Variants in CSMD3 observed in about 807,000 individuals in gnomAD.
The protein encoded by CSMD3 is CUB and Sushi multiple domains 3.
In CSMD3, 177 loss-of-function variants were observed where a neutral mutation model predicts 435.2. The observed-to-expected ratio is 0.41, with a 90% CI of 0.36 to 0.46. The LOEUF is 0.46. CSMD3 is among the 20% of genes least tolerant of loss of function. The pLI, the probability that CSMD3 is intolerant of heterozygous loss-of-function variation, is 0.34. For missense variants in CSMD3, 4,265 were observed against 4,504.6 expected, an observed-to-expected ratio of 0.95 and a Z score of 1.52; for synonymous variants, 1,656 against 1,520.5, an observed-to-expected ratio of 1.09 and a Z score of -2.07.
intron 59 of CSMD3, among the ~76,000 whole-genome samples, chr8:112,267,015 C>A (rs1460400032): frequency 6.6e-6 from 1 of 152,064 alleles, no homozygotes; most frequent in African/African-American, 2.4e-5. Context: ...CTCTCTCTCT[C>A]TGTCTACTCC....
chr8:113,190,211 A>G (rs1419007077), intron 3 of CSMD3, among the ~76,000 whole-genome samples: 2 of 151,850 alleles, frequency 1.3e-5, no homozygotes, highest in African/African-American at 4.8e-5. Flanking sequence ...AAGATACAAC[A>G]TTGAACAATA....
intron 1 of CSMD3, among the ~76,000 whole-genome samples, chr8:113,341,354 A>T (rs2094117598): frequency 6.6e-6 from 1 of 152,160 alleles, no homozygotes. Flanking sequence ...AAAGTTTTTA[A>T]TTCTGAAAAC....
Position 112,919,653 on chromosome 8 carries a change from C to A in CSMD3, c.1633+1974G>T, listed in dbSNP as rs188560659. On this transcript the variant is annotated intron_variant, in intron 10 of 70. Transcript: ENST00000297405. ...TTGAAGTAGGATATTTGAAACATATCATTTTGAAGCCATGATGTTCACTAT... is the reference window on the plus strand; with the variant it reads ...TTGAAGTAGGATATTTGAAACATATAATTTTGAAGCCATGATGTTCACTAT... Among the ~76,000 whole-genome samples, 68 of 151,774 alleles carry A rather than the reference C, an allele frequency of 4.5e-4. 1 individual carries two copies. The highest frequency in any genetic ancestry group is 1.6e-3 in the African/African-American group (65 of 41,474).
intron 53 of CSMD3, among the ~76,000 whole-genome samples, chr8:112,300,457 A>G (rs569684292): frequency 5.1e-4 from 77 of 152,076 alleles, no homozygotes; most frequent in African/African-American, 1.6e-3. Context: ...ATATTAATAC[A>G]TAATCATTTA....
At chr8:113,353,641 T>A (rs2132930187) in intron 1 of CSMD3, among the ~76,000 whole-genome samples, 1 of 152,254 alleles carries the variant, frequency 6.6e-6, no homozygotes, top group Middle Eastern at 3.4e-3. Context: ...TGGGAAATAT[T>A]TTTGCCTTTC....
chr8:112,287,406 T>TA (rs936965199), intron 57 of CSMD3, among the ~76,000 whole-genome samples, 160 bp from the exon 58 acceptor site: 9 of 151,800 alleles, frequency 5.9e-5, no homozygotes, highest in Non-Finnish European at 1.0e-4. Context: ...CTCCAGTCAT[T>TA]AAAAAAAAGT....
chr8:112,922,847 C>A (rs954901681), intron 9 of CSMD3, among the ~76,000 whole-genome samples: 2 of 152,090 alleles, frequency 1.3e-5, no homozygotes, highest in African/African-American at 4.8e-5. Flanking sequence ...TCTTCTTAGA[C>A]CTCGTCATGA....
intron 32 of CSMD3, among the ~76,000 whole-genome samples, chr8:112,419,387 T>C (rs1160762212): frequency 6.6e-6 from 1 of 152,210 alleles, no homozygotes; most frequent in African/African-American, 2.4e-5. Flanking sequence ...GTGAAAATCT[T>C]AATATGTATT....
At chr8:112,435,560 C>T (rs1329639576) in intron 32 of CSMD3, among the ~76,000 whole-genome samples, 4 of 151,962 alleles carry the variant, frequency 2.6e-5, no homozygotes, top group Admixed American at 2.6e-4. Flanking sequence ...TTAATTTTCT[C>T]AGGTACATTT....
At chr8:112,829,438 T>A (rs572469172) in intron 12 of CSMD3, among the ~76,000 whole-genome samples, 1 of 152,254 alleles carries the variant, frequency 6.6e-6, no homozygotes, top group East Asian at 1.9e-4. Context: ...AAGAAATACA[T>A]TTCTATTGTT....
intron 32 of CSMD3, among the ~76,000 whole-genome samples, chr8:112,448,298 T>A (rs1815854835): frequency 1.3e-5 from 2 of 152,254 alleles, no homozygotes; most frequent in South Asian, 4.1e-4. Flanking sequence ...TAAACCTTAA[T>A]CACCTCTTTA....
intron 22 of CSMD3, among the ~76,000 whole-genome samples, chr8:112,612,172 A>G (rs2131472304): frequency 6.6e-6 from 1 of 152,286 alleles, no homozygotes; most frequent in East Asian, 1.9e-4. Flanking sequence ...AATGCCTTTG[A>G]TTTTCCTGAG....
At chr8:113,242,874 C>T (rs2093234656) in intron 3 of CSMD3, among the ~76,000 whole-genome samples, 1 of 151,748 alleles carries the variant, frequency 6.6e-6, no homozygotes, top group Admixed American at 6.6e-5. Context: ...TACTAACTTA[C>T]TAGCTACAAT....
chr8:112,260,933 C>T (rs1428558700), intron 61 of CSMD3, among the ~76,000 whole-genome samples: 1 of 152,112 alleles, frequency 6.6e-6, no homozygotes, highest in Admixed American at 6.6e-5. Context: ...AATAAAACTA[C>T]ACTTGTACCC....
intron 1 of CSMD3, among the ~76,000 whole-genome samples, chr8:113,397,578 G>A (rs1563781105): frequency 1.3e-5 from 2 of 152,040 alleles, no homozygotes; most frequent in South Asian, 2.1e-4. Flanking sequence ...AGCACTTTGG[G>A]AGGCCGAGGC....
intron 3 of CSMD3, among the ~76,000 whole-genome samples, chr8:113,206,160 C>T (rs549418066): frequency 6.6e-6 from 1 of 152,066 alleles, no homozygotes; most frequent in South Asian, 2.1e-4. Flanking sequence ...TGTTTGCTGA[C>T]CCCCAAGAAC....
intron 3 of CSMD3, among the ~76,000 whole-genome samples, chr8:113,235,014 T>C (rs528719521): frequency 1.1e-4 from 16 of 152,166 alleles, no homozygotes; most frequent in African/African-American, 3.9e-4. Flanking sequence ...GTGGAAAATA[T>C]ATCCAGACGT....
intron 13 of CSMD3, among the ~76,000 whole-genome samples, chr8:112,707,595 T>A (rs1030168593): frequency 5.9e-5 from 9 of 151,942 alleles, no homozygotes; most frequent in Non-Finnish European, 1.5e-5. Flanking sequence ...AACAACAATA[T>A]AATACTAGGT....
At chr8:112,331,981 G>A (rs1824112606) in intron 45 of CSMD3, among the ~76,000 whole-genome samples, 1 of 152,042 alleles carries the variant, frequency 6.6e-6, no homozygotes, top group Non-Finnish European at 1.5e-5. Context: ...TAAGGAGGAT[G>A]TAATTTAGAA....
Sources: gnomAD v4.1 joint callset for allele counts (sites outside exome capture counted in the v4.1 genomes callset) on GRCh38, gnomAD v4.1.1 for gene constraint, MANE v1.5 for transcripts, NCBI Gene and HGNC (gene_info 2026-07-23, HGNC 2026-07-21) for gene names.